The following TSC22D2 variants were observed in gnomAD, a reference collection of about 807,000 sequenced individuals.
TSC22D2 encodes TSC22 domain family protein 2.
Under a neutral mutation model 50.1 loss-of-function variants are expected in TSC22D2, and 5 were observed. The observed-to-expected ratio is 0.10, with a 90% CI of 0.05 to 0.21. The LOEUF (loss-of-function observed/expected upper bound fraction) is 0.21. TSC22D2 is among the 10% of genes least tolerant of loss of function. The pLI is 1.00. For missense variants in TSC22D2, 1,003 were observed against 1,015.5 expected, an observed-to-expected ratio of 0.99 and a Z score of 0.17; for synonymous variants, 501 against 450.1, an observed-to-expected ratio of 1.11 and a Z score of -1.43.
chr3:150,458,153 A>T (rs1721252924), intron 2 of TSC22D2, among the ~76,000 whole-genome samples: 1 of 151,892 alleles, frequency 6.6e-6, no homozygotes, highest in Non-Finnish European at 1.5e-5. Context: ...TATTTTTTGG[A>T]AATCGTCCCA....
chr3:150,456,437 C>T (rs887359646), intron 1 of TSC22D2, among the ~76,000 whole-genome samples: 22 of 152,102 alleles, frequency 1.4e-4, no homozygotes, highest in African/African-American at 5.3e-4. Flanking sequence ...ATCCACCTTC[C>T]TTGGCCTCCC....
rs1719466030 is a variant in TSC22D2, at chr3:150,410,145, G to A, written c.795G>A (p.Gln265=). 4.3e-6 allele frequency: 7 copies of A among 1,612,008 alleles called. No individual in the cohort carries two copies. The highest frequency in any genetic ancestry group is 5.9e-6 in the Non-Finnish European group (7 of 1,179,718). Residue 265 remains glutamine, a synonymous_variant, in exon 1 of 3, where the codon CAG becomes CAA. Transcript: ENST00000688009. ...SEKMSQPTPA[Q]PQSFSVGQPQ... ...AAATGAGCCAGCCCACTCCGGCCCA[G>A]CCGCAGAGTTTTAGCGTTGGGCAGC... is the stretch of plus-strand genomic sequence containing the variant.
At chr3:150,435,323 GTTTTA>G (rs1283969158) in intron 1 of TSC22D2, among the ~76,000 whole-genome samples, 23 of 152,094 alleles carry the variant, frequency 1.5e-4, no homozygotes, top group Admixed American at 1.2e-3. Flanking sequence ...CTTCCTAGCA[GTTTTA>G]TTTTATTTAG....
In TSC22D2 at chr3:150,456,195, G is replaced by T. The variant is rs13096368; in HGVS notation, c.1959-881G>T. Among the ~76,000 whole-genome samples, 968 of 100,928 alleles carry T rather than the reference G, an allele frequency of 9.6e-3. 7 individuals are homozygous for T. The highest frequency in any genetic ancestry group is 0.028 in the African/African-American group (719 of 26,108). The allele number at this position is 100,928 out of a possible 152,430, so 66.2% of individuals were successfully genotyped here. On this transcript the variant is annotated intron_variant, in intron 1 of 2. Coordinates refer to ENST00000688009, the MANE Select transcript of TSC22D2 (RefSeq NM_001303264.2). ...GTTTCTTTTTGTTTTTTTTTTTTTTGTTTTTTTTTGAGATGGAGTTTTGCT... is the reference window on the plus strand; with the variant it reads ...GTTTCTTTTTGTTTTTTTTTTTTTTTTTTTTTTTTGAGATGGAGTTTTGCT...
intron 1 of TSC22D2, among the ~76,000 whole-genome samples, chr3:150,432,403 A>ATTAT (rs1295860321): frequency 2.6e-5 from 4 of 151,936 alleles, no homozygotes; most frequent in Admixed American, 1.3e-4. Context: ...AGGTCTCTTT[A>ATTAT]TTATTTATTT....
At chr3:150,437,773 A>G (rs1291586219) in intron 1 of TSC22D2, among the ~76,000 whole-genome samples, 1 of 152,086 alleles carries the variant, frequency 6.6e-6, no homozygotes, top group Non-Finnish European at 1.5e-5. Context: ...GCACCACTGC[A>G]CTCCAGCCTG....
Position 150,414,171 on chromosome 3 carries a change from C to T in TSC22D2, c.1958+2863C>T, listed in dbSNP as rs118028266. Among the ~76,000 whole-genome samples, 136 of 152,282 alleles carry T rather than the reference C, an allele frequency of 8.9e-4. No individual in the cohort carries two copies. The East Asian group carries it at 0.024, about 27-fold the overall frequency. Reference sequence around the variant, plus strand: ...TCTCAATTAGCATTGCCTATTGACTCTACATTATTAATTACCATAAAGTTT... The same window carrying T: ...TCTCAATTAGCATTGCCTATTGACTTTACATTATTAATTACCATAAAGTTT... On this transcript the variant is annotated intron_variant, in intron 1 of 2. Transcript: ENST00000688009.
In TSC22D2 at chr3:150,461,317, G is replaced by GTAAC. The variant is rs1253942985; in HGVS notation, c.*2683_*2686dup. 1 of 152,096 alleles carries GTAAC rather than the reference G, an allele frequency of 6.6e-6. No homozygotes were observed. Among genetic ancestry groups the GTAAC allele is most frequent in the African/African-American group, 2.4e-5 (1 of 41,394 alleles). 9.4% of individuals were successfully genotyped at this position (152,096 alleles called of 1,614,324 possible). ...CCCAGCTGATTGTTTAGGATCTTAA[G>GTAAC]TAACTTCCAATTCAGCTTTGGAGAT... On this transcript the variant is annotated 3_prime_UTR_variant, in exon 3 of 3. Coordinates refer to ENST00000688009, the MANE Select transcript of TSC22D2 (RefSeq NM_001303264.2).
chr3:150,409,307 C>A lies in TSC22D2; in HGVS notation c.-44C>A. 6.5e-7 allele frequency: 1 copy of A among 1,546,914 alleles called. No individual in the cohort carries two copies. Among genetic ancestry groups the A allele is most frequent in the South Asian group, 1.2e-5 (1 of 83,352 alleles). Reference sequence around the variant, plus strand: ...TGCCCTCCCCGGTTTCCGACAGGACCCAGAGGAGCCGGCGTGCCTCTCTGC... The same window carrying A: ...TGCCCTCCCCGGTTTCCGACAGGACACAGAGGAGCCGGCGTGCCTCTCTGC... On this transcript the variant is annotated 5_prime_UTR_variant, in exon 1 of 3. Transcript: ENST00000688009. The surrounding 1 kb of genome is among the most constrained non-coding windows in gnomAD (Gnocchi z 7.4).
Position 150,461,931 on chromosome 3 carries a change from TTGTC to T in TSC22D2, c.*3298_*3301del, listed in dbSNP as rs1245332982. The T allele has an allele frequency of 2.7e-4, 41 of 152,162 alleles. No homozygotes were observed. The highest frequency in any genetic ancestry group is 8.7e-4 in the African/African-American group (36 of 41,438). The allele number at this position is 152,162 out of a possible 1,614,324, so 9.4% of individuals were successfully genotyped here. A position where few individuals can be genotyped will look rare whatever the true frequency, so the allele number is the denominator to read the frequency against. ...TCTTTGCAGAACCAGAAATAGCTAA[TTGTC>T]TGGAAACAATTTTTAAGATTTGAAG... On this transcript the variant is annotated 3_prime_UTR_variant, in exon 3 of 3. Transcript: ENST00000688009.
rs748957938 is a variant in TSC22D2, at chr3:150,410,553, C to T, written c.1203C>T (p.Ala401=). The T allele has an allele frequency of 5.8e-6, 9 of 1,550,076 alleles. No homozygotes were observed. Among genetic ancestry groups the T allele is most frequent in the South Asian group, 3.6e-5 (3 of 84,356 alleles). Reference sequence around the variant, plus strand: ...CCGCGCAGCCCTCGTCCACCGGCGCCGCAGCGAGCCCCGCCACGGCGGCCA... The same window carrying T: ...CCGCGCAGCCCTCGTCCACCGGCGCTGCAGCGAGCCCCGCCACGGCGGCCA... ...PSPAQPSSTG[A]AASPATAATL... Residue 401 remains alanine (A), a synonymous_variant, in exon 1 of 3, where the codon GCC becomes GCT. Coordinates refer to ENST00000688009, the MANE Select transcript of TSC22D2 (RefSeq NM_001303264.2).
intron 1 of TSC22D2, among the ~76,000 whole-genome samples, chr3:150,454,069 C>T (rs1721119658): frequency 6.6e-6 from 1 of 152,030 alleles, no homozygotes; most frequent in African/African-American, 2.4e-5. Flanking sequence ...ATGGAGGAGC[C>T]AGAATTTGCT....
At position 150,437,763 on chromosome 3, in the gene TSC22D2, G is replaced by A. The variant is rs368242015; in HGVS notation, c.1959-19313G>A. ...GTGGAGGTTGTAGTGAGCTGAGATC[G>A]CACCACTGCACTCCAGCCTGGGCGG... On this transcript the variant is annotated intron_variant, in intron 1 of 2. Transcript: ENST00000688009. Among the ~76,000 whole-genome samples, 926 of 152,040 alleles carry A rather than the reference G, an allele frequency of 6.1e-3. 15 individuals are homozygous for A. The highest frequency in any genetic ancestry group is 0.021 in the African/African-American group (890 of 41,476).
intron 1 of TSC22D2, among the ~76,000 whole-genome samples, chr3:150,435,082 A>G (rs1267913352): frequency 1.3e-5 from 2 of 151,998 alleles, no homozygotes; most frequent in South Asian, 2.1e-4. Context: ...GGTTCAAGCA[A>G]TTCTCCTACC....
At chr3:150,412,208 C>T (rs1254608766) in intron 1 of TSC22D2, among the ~76,000 whole-genome samples, 1 of 151,944 alleles carries the variant, frequency 6.6e-6, no homozygotes, top group Non-Finnish European at 1.5e-5. Context: ...GGAGATGTCA[C>T]ATGTAAATTT....
intron 1 of TSC22D2, among the ~76,000 whole-genome samples, chr3:150,450,870 C>T (rs886862135): frequency 1.3e-5 from 2 of 151,978 alleles, no homozygotes; most frequent in African/African-American, 4.8e-5. Context: ...CAAAATGTTA[C>T]CCAGGTTAGA....
chr3:150,421,185 A>T (rs986672726), intron 1 of TSC22D2, among the ~76,000 whole-genome samples: 1 of 152,212 alleles, frequency 6.6e-6, no homozygotes. Flanking sequence ...TTGCAGAATA[A>T]CTTCCAAGAT....
At chr3:150,421,299 A>G (rs1719999095) in intron 1 of TSC22D2, among the ~76,000 whole-genome samples, 1 of 152,044 alleles carries the variant, frequency 6.6e-6, no homozygotes, top group Admixed American at 6.5e-5. Context: ...TAGTTCCCAT[A>G]TGTTCCTGGG....
At chr3:150,455,385 C>T (rs1721155067) in intron 1 of TSC22D2, among the ~76,000 whole-genome samples, 1 of 152,130 alleles carries the variant, frequency 6.6e-6, no homozygotes, top group African/African-American at 2.4e-5. Flanking sequence ...TGTTAATGAT[C>T]CATAAATCCT....
Sources: allele counts gnomAD v4.1 joint callset (sites outside exome capture counted in the v4.1 genomes callset), GRCh38; gene constraint gnomAD v4.1.1; non-coding constraint Gnocchi (gnomAD v3.1); transcripts MANE v1.5; gene names NCBI Gene and HGNC (gene_info 2026-07-23, HGNC 2026-07-21).